CCBE1: variants seen among roughly 807,000 people sequenced by gnomAD.
CCBE1 encodes the protein collagen and calcium binding EGF domains 1.
A neutral mutation model predicts 50.0 loss-of-function variants in CCBE1; 37 were observed. The ratio of observed to expected loss-of-function variants is 0.74; its 90% CI spans 0.57 to 0.97. The LOEUF (loss-of-function observed/expected upper bound fraction) is 0.97. Ranked by LOEUF, CCBE1 falls within the 50% of genes least tolerant of loss-of-function variation. The pLI, the probability that CCBE1 is intolerant of heterozygous loss-of-function variation, is 0.00. For synonymous variants in CCBE1, 234 were observed against 203.7 expected (o/e 1.15, Z -1.27); for missense variants, 538 against 523.8 (o/e 1.03, Z -0.26).
intron 2 of CCBE1, among the ~76,000 whole-genome samples, chr18:59,523,559 T>A (rs371750390): frequency 2.6e-5 from 4 of 152,170 alleles, no homozygotes; most frequent in African/African-American, 9.7e-5. Context: ...GTTCACTAAA[T>A]AGCAGCTATC....
At chr18:59,528,862 A>G (rs372164698) in intron 2 of CCBE1, among the ~76,000 whole-genome samples, 4 of 152,134 alleles carry the variant, frequency 2.6e-5, no homozygotes, top group African/African-American at 9.7e-5. Context: ...CCAGAGGGGC[A>G]CTGACCTGAT....
intron 2 of CCBE1, among the ~76,000 whole-genome samples, chr18:59,504,081 G>A (rs1295220742): frequency 6.6e-6 from 1 of 152,180 alleles, no homozygotes; most frequent in Non-Finnish European, 1.5e-5. Flanking sequence ...CTCACTCACT[G>A]CCTGAGTGAA....
At chr18:59,592,051 A>G (rs996354713) in intron 2 of CCBE1, among the ~76,000 whole-genome samples, 4 of 152,140 alleles carry the variant, frequency 2.6e-5, no homozygotes, top group Non-Finnish European at 5.9e-5. Context: ...TGTTTCATGC[A>G]CAAAATTACC....
intron 3 of CCBE1, among the ~76,000 whole-genome samples, chr18:59,475,089 TG>T (rs1912243049): frequency 6.6e-6 from 1 of 152,232 alleles, no homozygotes; most frequent in Admixed American, 6.5e-5. Flanking sequence ...TTTTGATGCT[TG>T]TTCCCCAGAG....
At chr18:59,673,185 T>C (rs1190360074) in intron 2 of CCBE1, among the ~76,000 whole-genome samples, 1 of 152,192 alleles carries the variant, frequency 6.6e-6, no homozygotes, top group Non-Finnish European at 1.5e-5. Context: ...GCGTGGTGGC[T>C]CATGCCTGTA....
intron 2 of CCBE1, among the ~76,000 whole-genome samples, chr18:59,667,719 C>T (rs559980255): frequency 4.4e-4 from 67 of 152,266 alleles, no homozygotes; most frequent in African/African-American, 1.5e-3. Context: ...CCAGATGGCA[C>T]TCAGTTCATT....
intron 6 of CCBE1, among the ~76,000 whole-genome samples, chr18:59,449,731 G>A (rs750287839): frequency 1.7e-4 from 26 of 152,068 alleles, no homozygotes; most frequent in Non-Finnish European, 2.8e-4. Flanking sequence ...TCTACAAAAT[G>A]TGCAGTTTCA....
At chr18:59,637,839 A>C (rs2053934088) in intron 2 of CCBE1, among the ~76,000 whole-genome samples, 1 of 152,232 alleles carries the variant, frequency 6.6e-6, no homozygotes, top group Admixed American at 6.5e-5. Context: ...AAGTGAATTC[A>C]ATTAAAAATC....
chr18:59,445,555 G>A (rs998772066), intron 7 of CCBE1, among the ~76,000 whole-genome samples: 6 of 152,114 alleles, frequency 3.9e-5, no homozygotes, highest in African/African-American at 4.8e-5. Flanking sequence ...ACAAAGAAAC[G>A]GAGACTTTAA....
At chr18:59,629,604 G>A (rs1268581010) in intron 2 of CCBE1, among the ~76,000 whole-genome samples, 2 of 152,186 alleles carry the variant, frequency 1.3e-5, no homozygotes, top group East Asian at 3.9e-4. Flanking sequence ...GAGTGGTAAC[G>A]GGAAGTTATA....
chr18:59,624,711 G>T (rs955296504), intron 2 of CCBE1, among the ~76,000 whole-genome samples: 2 of 152,178 alleles, frequency 1.3e-5, no homozygotes, highest in Non-Finnish European at 2.9e-5. Context: ...ACAAAAGAGA[G>T]CCTTGGATGA....
intron 2 of CCBE1, among the ~76,000 whole-genome samples, chr18:59,536,704 A>C (rs1024914518): frequency 6.6e-6 from 1 of 152,148 alleles, no homozygotes; most frequent in Non-Finnish European, 1.5e-5. Flanking sequence ...ATAAAGGAAC[A>C]TTTGGCTGGG....
At chr18:59,580,679 C>A (rs138875374) in intron 2 of CCBE1, among the ~76,000 whole-genome samples, 2 of 152,134 alleles carry the variant, frequency 1.3e-5, no homozygotes, top group Admixed American at 6.5e-5. Flanking sequence ...GGTGTCTGGA[C>A]GAGGGTGGGG....
At chr18:59,506,035 AC>A (rs1913856867) in intron 2 of CCBE1, among the ~76,000 whole-genome samples, 1 of 152,212 alleles carries the variant, frequency 6.6e-6, no homozygotes, top group Non-Finnish European at 1.5e-5. Context: ...ATTCACATAT[AC>A]CCAGGAACCT....
At chr18:59,551,026 A>G (rs1409280187) in intron 2 of CCBE1, among the ~76,000 whole-genome samples, 1 of 117,724 alleles carries the variant, frequency 8.5e-6, no homozygotes, top group Non-Finnish European at 1.8e-5. Flanking sequence ...AAAAAAAAAA[A>G]AAAGAAAAGA....
chr18:59,537,108 T>C (rs530492500), intron 2 of CCBE1, among the ~76,000 whole-genome samples: 2 of 152,276 alleles, frequency 1.3e-5, no homozygotes, highest in Non-Finnish European at 2.9e-5. Context: ...TCTGATCTTA[T>C]CAGCTAAAGA....
intron 2 of CCBE1, among the ~76,000 whole-genome samples, chr18:59,627,546 T>C (rs911351411): frequency 2.0e-4 from 31 of 152,306 alleles, no homozygotes; most frequent in African/African-American, 7.2e-4. Context: ...CAAGTTAAGA[T>C]GAGGTCACAC....
intron 2 of CCBE1, among the ~76,000 whole-genome samples, chr18:59,572,336 T>G (rs2052926459): frequency 6.6e-6 from 1 of 152,192 alleles, no homozygotes; most frequent in Non-Finnish European, 1.5e-5. Flanking sequence ...AACCAATTGT[T>G]GTTATAAAGA....
chr18:59,467,346 G>A (rs995108282), intron 4 of CCBE1, among the ~76,000 whole-genome samples: 31 of 152,164 alleles, frequency 2.0e-4, no homozygotes, highest in Admixed American at 3.9e-4. Flanking sequence ...TATGGTATAG[G>A]TTCCAAACAG....
Sources: allele counts gnomAD v4.1 joint callset (sites outside exome capture counted in the v4.1 genomes callset), GRCh38; gene constraint gnomAD v4.1.1; transcripts MANE v1.5; gene names NCBI Gene and HGNC (gene_info 2026-07-23, HGNC 2026-07-21).